Variants in ADGRV1 observed in about 807,000 individuals in gnomAD.
The protein encoded by ADGRV1 is adhesion G protein-coupled receptor V1.
In ADGRV1, 359 loss-of-function variants were observed where a neutral mutation model predicts 596.2. That is an observed-to-expected ratio of 0.60 (90% CI 0.55 to 0.66). ADGRV1 has a LOEUF of 0.66. ADGRV1 is among the 30% of genes least tolerant of loss of function. ADGRV1 has a pLI of 0.00. For missense variants in ADGRV1, 7,274 were observed against 7,575.6 expected (o/e 0.96, Z 1.48); for synonymous variants, 2,681 against 2,679.2 (o/e 1.00, Z -0.02).
chr5:90,622,784 A>C, intron 5 of ADGRV1, 83 bp downstream of exon 5: 1 of 584,266 alleles, frequency 1.7e-6, no homozygotes, highest in East Asian at 3.5e-5. Flanking sequence ...TCTGTTGCCC[A>C]AGCTGGAGTG....
chr5:91,029,981 A>G (rs1198596302), intron 85 of ADGRV1, among the ~76,000 whole-genome samples: 1 of 152,138 alleles, frequency 6.6e-6, no homozygotes, highest in Non-Finnish European at 1.5e-5. Context: ...GAATGGTGTC[A>G]AAGAGGGATC....
Position 90,608,294 on chromosome 5 carries a change from G to T in ADGRV1, c.23-6541G>T, listed in dbSNP as rs116773985. ...TAAAGGAAACTTTGTCCGTTTGAAG[G>T]TTATGAGTGGCACATTGAAGGGAAT... On this transcript the variant is annotated intron_variant, in intron 1 of 89. Coordinates refer to ENST00000405460, the MANE Select transcript of ADGRV1 (RefSeq NM_032119.4). 8.5e-3 allele frequency among the ~76,000 whole-genome samples: 1,289 copies of T among 152,184 alleles called. 20 individuals carry two copies. The highest frequency in any genetic ancestry group is 0.03 in the African/African-American group (1,244 of 41,516).
chr5:91,003,404 C>A (rs1782000973), intron 85 of ADGRV1, among the ~76,000 whole-genome samples: 1 of 152,152 alleles, frequency 6.6e-6, no homozygotes, highest in Non-Finnish European at 1.5e-5. Context: ...CATAGCTGCT[C>A]TGAAACATAC....
intron 2 of ADGRV1, among the ~76,000 whole-genome samples, chr5:90,615,281 G>A (rs1369628482): frequency 1.3e-5 from 2 of 151,790 alleles, no homozygotes; most frequent in Non-Finnish European, 3.0e-5. Flanking sequence ...TTTAGAACAA[G>A]AACTTTTCAT....
rs1225203306 is a variant in ADGRV1 at position 90,647,570 on chromosome 5, T to A, written c.3095T>A (p.Val1032Glu). The change falls in exon 17 of 90, where the codon GTG (valine) becomes GAG (glutamate). Residue 1032 changes from valine to glutamate, a missense_variant. Val to Glu is a moderately radical substitution (Grantham distance 121). Around this residue, in one of 5 missense-constraint regions of ADGRV1, gnomAD observed 1,715 missense variants for 1,708.8 expected, o/e 1.00. Coordinates refer to ENST00000405460, the MANE Select transcript of ADGRV1 (RefSeq NM_032119.4). ...GTTCTCAGAAATGGATCTGTTGATGTGACTTGCATGGTCCAGTATGCTACC... is the reference window on the plus strand; with the variant it reads ...GTTCTCAGAAATGGATCTGTTGATGAGACTTGCATGGTCCAGTATGCTACC... ...FTVLRNGSVD[V>E]TCMVQYATKD... 22 of 1,613,888 alleles carry A rather than the reference T, an allele frequency of 1.4e-5. No individual in the cohort carries two copies. Among genetic ancestry groups the A allele is most frequent in the Non-Finnish European group, 1.9e-5 (22 of 1,179,790 alleles).
At chr5:91,042,320 T>TA (rs1785430300) in intron 85 of ADGRV1, among the ~76,000 whole-genome samples, 1 of 152,186 alleles carries the variant, frequency 6.6e-6, no homozygotes, top group Non-Finnish European at 1.5e-5. Context: ...GTTGATATAT[T>TA]AAAAACAACA....
intron 57 of ADGRV1, among the ~76,000 whole-genome samples, chr5:90,757,397 A>G (rs992767015): frequency 6.6e-6 from 1 of 152,250 alleles, no homozygotes; most frequent in Non-Finnish European, 1.5e-5. Context: ...TTTATTTAAA[A>G]TAAATAGAAG....
Position 90,685,640 on chromosome 5 carries a change from AAAAT to A in ADGRV1, c.6275-134_6275-131del, listed in dbSNP as rs70999502. On this transcript the variant is annotated intron_variant, in intron 28 of 89. Coordinates refer to ENST00000405460, the MANE Select transcript of ADGRV1 (RefSeq NM_032119.4). ...TAAATAAATAAATAAATAAATAAAT[AAAAT>A]AAATAGTAGAGGGAAAACCCCAAAT... 15,338 of 271,558 alleles carry A rather than the reference AAAAT, an allele frequency of 0.056. 623 individuals are homozygous for A. Among genetic ancestry groups the A allele is most frequent in the Non-Finnish European group, 0.071 (10,845 of 151,852 alleles). 16.8% of individuals were successfully genotyped at this position (271,558 alleles called of 1,614,324 possible).
chr5:90,914,339 G>C (rs547455832), intron 83 of ADGRV1, among the ~76,000 whole-genome samples: 1 of 152,210 alleles, frequency 6.6e-6, no homozygotes, highest in East Asian at 1.9e-4. Context: ...CCTTATTCCA[G>C]ACGCTGTGCT....
intron 50 of ADGRV1, among the ~76,000 whole-genome samples, chr5:90,739,441 A>G (rs1254504973): frequency 1.3e-5 from 2 of 152,172 alleles, no homozygotes; most frequent in African/African-American, 4.8e-5. Flanking sequence ...TGTGGTGGTG[A>G]TAGAACTTCA....
intron 85 of ADGRV1, among the ~76,000 whole-genome samples, chr5:91,057,226 G>A (rs779522770): frequency 6.6e-6 from 1 of 152,154 alleles, no homozygotes; most frequent in Non-Finnish European, 1.5e-5. Flanking sequence ...TGAATTTTCA[G>A]TGTGTTTTTA....
intron 83 of ADGRV1, among the ~76,000 whole-genome samples, chr5:90,942,468 A>C (rs1776241824): frequency 6.6e-6 from 1 of 152,162 alleles, no homozygotes; most frequent in Non-Finnish European, 1.5e-5. Flanking sequence ...CAGGGTTAAT[A>C]GTGGGTTCTG....
chr5:90,749,359 A>T (rs1754995377), intron 52 of ADGRV1, among the ~76,000 whole-genome samples: 1 of 152,194 alleles, frequency 6.6e-6, no homozygotes, highest in African/African-American at 2.4e-5. Flanking sequence ...GATGGAGGGC[A>T]TGGAGCCAGA....
At chr5:91,088,899 A>G (rs1272791450) in intron 86 of ADGRV1, among the ~76,000 whole-genome samples, 2 of 152,200 alleles carry the variant, frequency 1.3e-5, no homozygotes, top group Non-Finnish European at 1.5e-5. Context: ...TTGATCACTA[A>G]TATACAAGTA....
At chr5:90,668,877 A>G (rs1185595800) in intron 21 of ADGRV1, among the ~76,000 whole-genome samples, 1 of 152,114 alleles carries the variant, frequency 6.6e-6, no homozygotes, top group Non-Finnish European at 1.5e-5. Flanking sequence ...TTTCCCTGTG[A>G]CTTTTGCAAA....
At chr5:90,871,733 G>GA (rs1480589682) in intron 83 of ADGRV1, among the ~76,000 whole-genome samples, 3 of 152,148 alleles carry the variant, frequency 2.0e-5, no homozygotes, top group African/African-American at 7.2e-5. Flanking sequence ...AGCAACATAT[G>GA]AAAAAAGTTG....
chr5:90,691,660 C>G (rs1195090881), intron 31 of ADGRV1, among the ~76,000 whole-genome samples: 2 of 152,130 alleles, frequency 1.3e-5, no homozygotes, highest in African/African-American at 4.8e-5. Flanking sequence ...GCTGGGATTA[C>G]AAGCATGAGC....
chr5:91,029,100 C>T (rs1244685720), intron 85 of ADGRV1, among the ~76,000 whole-genome samples: 1 of 152,252 alleles, frequency 6.6e-6, no homozygotes, highest in East Asian at 1.9e-4. Context: ...CAATTCCACT[C>T]CACATTCTAC....
intron 85 of ADGRV1, among the ~76,000 whole-genome samples, chr5:90,999,297 G>T (rs1225050176): frequency 6.6e-6 from 1 of 151,824 alleles, no homozygotes; most frequent in Admixed American, 6.6e-5. Flanking sequence ...AATATTTTGT[G>T]TGCTAATTCA....
Sources: allele counts gnomAD v4.1 joint callset (sites outside exome capture counted in the v4.1 genomes callset), GRCh38; gene constraint gnomAD v4.1.1; regional missense constraint gnomAD v4.1.1; transcripts MANE v1.5; gene names NCBI Gene and HGNC (gene_info 2026-07-23, HGNC 2026-07-21).